The following CNTN5 variants were observed in gnomAD, a reference collection of about 807,000 sequenced individuals.
CNTN5 encodes contactin-5.
Under a neutral mutation model 129.1 loss-of-function variants are expected in CNTN5, and 77 were observed. The ratio of observed to expected loss-of-function variants is 0.60; its 90% CI spans 0.50 to 0.72. CNTN5 has a LOEUF of 0.72. CNTN5 is among the 30% of genes least tolerant of loss of function. The probability of loss-of-function intolerance (pLI) is 0.00; values close to 1 mark genes in which losing one functional copy is unlikely to be tolerated. For missense variants in CNTN5, 1,478 were observed against 1,328.8 expected (o/e 1.11, Z -1.75); for synonymous variants, 509 against 465.6 (o/e 1.09, Z -1.20).
intron 1 of CNTN5, among the ~76,000 whole-genome samples, chr11:99,218,041 C>T (rs184882351): frequency 5.3e-5 from 8 of 152,142 alleles, no homozygotes; most frequent in Admixed American, 2.0e-4. Context: ...CATTTATTTT[C>T]TCCAATTGCT....
At chr11:99,538,130 T>C (rs1221533833) in intron 2 of CNTN5, among the ~76,000 whole-genome samples, 3 of 152,310 alleles carry the variant, frequency 2.0e-5, no homozygotes, top group Middle Eastern at 3.4e-3. Flanking sequence ...AGTAAAACCT[T>C]GAGACAGTAT....
chr11:99,601,472 C>T lies in CNTN5; in HGVS notation c.55+45203C>T, dbSNP rs1453113666. 2.0e-5 allele frequency among the ~76,000 whole-genome samples: 3 copies of T among 152,140 alleles called. No homozygotes were observed. In the East Asian group the frequency reaches 5.8e-4, roughly 29 times the overall value. On this transcript the variant is annotated intron_variant, in intron 3 of 24. Coordinates refer to ENST00000524871, the MANE Select transcript of CNTN5 (RefSeq NM_014361.4). Reference sequence around the variant, plus strand: ...AATAATAGAAAAGATCCTTAAATCACACCTTCTAAACTTTGCCTAGAAATA... The same window carrying T: ...AATAATAGAAAAGATCCTTAAATCATACCTTCTAAACTTTGCCTAGAAATA...
chr11:99,580,923 T>G lies in CNTN5; in HGVS notation c.55+24654T>G, dbSNP rs1357197629. ...TCTCTAGTTCTTTTAATTGTGATGTTAGGGTGTCAATTTTAGATCTTTCCT... is the reference window on the plus strand; with the variant it reads ...TCTCTAGTTCTTTTAATTGTGATGTGAGGGTGTCAATTTTAGATCTTTCCT... On this transcript the variant is annotated intron_variant, in intron 3 of 24. Coordinates refer to ENST00000524871, the MANE Select transcript of CNTN5 (RefSeq NM_014361.4). 2.4e-3 allele frequency among the ~76,000 whole-genome samples: 344 copies of G among 145,640 alleles called. 2 individuals are homozygous for G. The highest frequency in any genetic ancestry group is 7.7e-3 in the African/African-American group (299 of 39,082).
chr11:100,297,450 G>A (rs1221855506), intron 18 of CNTN5, among the ~76,000 whole-genome samples, 175 bp from the exon 19 acceptor site: 2 of 151,462 alleles, frequency 1.3e-5, no homozygotes, highest in East Asian at 1.9e-4. Context: ...AAAAAAAAGT[G>A]TATCAAAATC....
chr11:99,195,849 T>G (rs1403862426), intron 1 of CNTN5, among the ~76,000 whole-genome samples: 1 of 152,042 alleles, frequency 6.6e-6, no homozygotes, highest in East Asian at 1.9e-4. Context: ...TAATTAAGTT[T>G]TACAATTTAT....
intron 4 of CNTN5, among the ~76,000 whole-genome samples, chr11:99,842,101 GC>G (rs1947526248): frequency 6.6e-6 from 1 of 151,804 alleles, no homozygotes; most frequent in Non-Finnish European, 1.5e-5. Flanking sequence ...CACCGTGTTG[GC>G]CAGGCTTCTC....
rs533361147 is a variant in CNTN5 at position 99,517,312 on chromosome 11, T to C, written c.-70-38833T>C. On this transcript the variant is annotated intron_variant, in intron 2 of 24. Coordinates refer to ENST00000524871, the MANE Select transcript of CNTN5 (RefSeq NM_014361.4). ...TTCCCTTAACCCTTCATCACCTCTT[T>C]CCTGGACTCTTCCAAGAGTAGATCT... Among the ~76,000 whole-genome samples the C allele has an allele frequency of 3.0e-3, 458 of 152,192 alleles. 1 individual carries two copies. The highest frequency in any genetic ancestry group is 5.1e-3 in the Non-Finnish European group (344 of 67,998).
chr11:99,204,076 A>G (rs1031961543), intron 1 of CNTN5, among the ~76,000 whole-genome samples: 2 of 152,250 alleles, frequency 1.3e-5, no homozygotes, highest in African/African-American at 4.8e-5. Flanking sequence ...TAAAAGTTTT[A>G]TCACAACGCT....
chr11:99,950,386 C>T (rs768187897), intron 7 of CNTN5, among the ~76,000 whole-genome samples: 2 of 152,174 alleles, frequency 1.3e-5, no homozygotes, highest in African/African-American at 4.8e-5. Flanking sequence ...GAGGCTGAGG[C>T]AGGAGAATGG....
intron 2 of CNTN5, among the ~76,000 whole-genome samples, chr11:99,547,573 A>G (rs1948342078): frequency 6.6e-6 from 1 of 152,196 alleles, no homozygotes; most frequent in Admixed American, 6.5e-5. Context: ...ATTCATTTTC[A>G]GAATAATTTA....
intron 3 of CNTN5, among the ~76,000 whole-genome samples, chr11:99,710,549 G>GTGTGTGTGTGTGTGCA (rs1954934188): frequency 1.4e-5 from 1 of 71,392 alleles, no homozygotes; most frequent in Non-Finnish European, 3.6e-5. Context: ...GCTCTAGATT[G>GTGTGTGTGTGTGTGCA]TGTGTGTGTG....
intron 1 of CNTN5, among the ~76,000 whole-genome samples, chr11:99,204,799 C>T (rs1269651925): frequency 1.3e-5 from 2 of 152,112 alleles, no homozygotes; most frequent in Non-Finnish European, 1.5e-5. Context: ...TGAGAGCTGG[C>T]GTGGAGGTAT....
At chr11:99,081,167 ACT>A (rs1367575536) in intron 1 of CNTN5, among the ~76,000 whole-genome samples, 1 of 152,006 alleles carries the variant, frequency 6.6e-6, no homozygotes, top group East Asian at 1.9e-4. Context: ...TTTTTCAATT[ACT>A]CCAACAATGT....
chr11:99,213,428 A>G (rs12288859), intron 1 of CNTN5, among the ~76,000 whole-genome samples: 2 of 138,812 alleles, frequency 1.4e-5, no homozygotes, highest in African/African-American at 3.0e-5. Flanking sequence ...ACATATATAC[A>G]CGTGTATATA....
intron 8 of CNTN5, among the ~76,000 whole-genome samples, chr11:99,958,097 T>C (rs1279188338): frequency 3.3e-5 from 5 of 152,044 alleles, no homozygotes; most frequent in African/African-American, 7.2e-5. Flanking sequence ...AAAGAAATGA[T>C]GAAAATTGCT....
chr11:99,170,455 C>A (rs2135538596), intron 1 of CNTN5, among the ~76,000 whole-genome samples: 1 of 152,208 alleles, frequency 6.6e-6, no homozygotes, highest in Middle Eastern at 3.4e-3. Context: ...CTCTAAGGGG[C>A]TTATTTTTCT....
chr11:99,430,723 A>G (rs1943330201), intron 2 of CNTN5, among the ~76,000 whole-genome samples: 1 of 151,964 alleles, frequency 6.6e-6, no homozygotes, highest in South Asian at 2.1e-4. Flanking sequence ...TAGGCCTCCA[A>G]AACAAAAGGT....
chr11:99,660,081 AG>A (rs1014064285), intron 3 of CNTN5, among the ~76,000 whole-genome samples: 1 of 152,164 alleles, frequency 6.6e-6, no homozygotes, highest in African/African-American at 2.4e-5. Context: ...CATTTTATAT[AG>A]AAAATTTCAC....
chr11:99,211,316 G>A (rs1021122051), intron 1 of CNTN5, among the ~76,000 whole-genome samples: 4 of 152,126 alleles, frequency 2.6e-5, no homozygotes, highest in African/African-American at 9.6e-5. Context: ...TGGGGGGTTT[G>A]TTTTGCTATA....
Sources: gnomAD v4.1 joint callset for allele counts (sites outside exome capture counted in the v4.1 genomes callset) on GRCh38, gnomAD v4.1.1 for gene constraint, MANE v1.5 for transcripts, NCBI Gene and HGNC (gene_info 2026-07-23, HGNC 2026-07-21) for gene names.